The following MAGI2 variants were observed in gnomAD, a reference collection of about 807,000 sequenced individuals.
MAGI2 encodes membrane associated guanylate kinase, WW and PDZ domain containing 2, also known as membrane-associated guanylate kinase, WW and PDZ domain-containing protein 2.
A neutral mutation model predicts 133.3 loss-of-function variants in MAGI2; 35 were observed. That is an observed-to-expected ratio of 0.26 (90% CI 0.20 to 0.35). The LOEUF is 0.35. Among genes scored for constraint, MAGI2 ranks in the 10% least tolerant of loss-of-function variants. The pLI is 1.00. For synonymous variants in MAGI2, 729 were observed against 710.6 expected, an observed-to-expected ratio of 1.03 and a Z score of -0.41; for missense variants, 1,636 against 1,863.4, an observed-to-expected ratio of 0.88 and a Z score of 2.25.
intron 20 of MAGI2, among the ~76,000 whole-genome samples, chr7:78,110,611 G>C (rs1563134864): frequency 6.6e-6 from 1 of 152,208 alleles, no homozygotes; most frequent in Non-Finnish European, 1.5e-5. Flanking sequence ...CCCATATGGA[G>C]AAGTACTTAA....
intron 6 of MAGI2, among the ~76,000 whole-genome samples, chr7:78,459,269 T>C (rs1420664246): frequency 2.0e-5 from 3 of 152,186 alleles, no homozygotes; most frequent in Admixed American, 1.3e-4. Flanking sequence ...CTGCAGTAGA[T>C]AGAACCATTT....
intron 1 of MAGI2, among the ~76,000 whole-genome samples, chr7:79,436,480 T>C (rs1848153489): frequency 6.6e-6 from 1 of 152,086 alleles, no homozygotes; most frequent in Non-Finnish European, 1.5e-5. Context: ...ATCCAGAACC[T>C]ATAAGGAACT....
At chr7:79,375,819 G>A (rs1025801381) in intron 1 of MAGI2, among the ~76,000 whole-genome samples, 1 of 151,848 alleles carries the variant, frequency 6.6e-6, no homozygotes, top group Non-Finnish European at 1.5e-5. Context: ...GAACATATAA[G>A]CAGATAGGCT....
At chr7:79,128,574 T>C (rs1453703829) in intron 1 of MAGI2, among the ~76,000 whole-genome samples, 1 of 152,296 alleles carries the variant, frequency 6.6e-6, no homozygotes, top group East Asian at 1.9e-4. Flanking sequence ...GGGAACTCCC[T>C]GATCAGGAAC....
rs1449266686 is a variant in MAGI2, at chr7:79,333,692, G to A, written c.301+119328C>T. Among the ~76,000 whole-genome samples, 8 of 152,146 alleles carry A rather than the reference G, an allele frequency of 5.3e-5. No homozygotes were observed. The East Asian group carries it at 1.4e-3, about 26-fold the overall frequency. On this transcript the variant is annotated intron_variant, in intron 1 of 21. Coordinates refer to ENST00000354212, the MANE Select transcript of MAGI2 (RefSeq NM_012301.4). ...AAATTACTGATGTAGGCATAAAGGTGATTTTATTGAATGTTTAATTAATTT... is the reference window on the plus strand; with the variant it reads ...AAATTACTGATGTAGGCATAAAGGTAATTTTATTGAATGTTTAATTAATTT...
chr7:78,563,986 A>T (rs145743788), intron 3 of MAGI2, among the ~76,000 whole-genome samples: 1 of 152,020 alleles, frequency 6.6e-6, no homozygotes. Flanking sequence ...TTGAATAGGT[A>T]TTTTTTTTAA....
intron 2 of MAGI2, among the ~76,000 whole-genome samples, chr7:78,882,183 C>T (rs1795932649): frequency 7.3e-6 from 1 of 136,964 alleles, no homozygotes; most frequent in South Asian, 2.5e-4. Flanking sequence ...GGTGACATTA[C>T]AACTGCTCCC....
intron 1 of MAGI2, among the ~76,000 whole-genome samples, chr7:79,261,557 C>T (rs1333080609): frequency 6.6e-6 from 1 of 152,158 alleles, no homozygotes; most frequent in African/African-American, 2.4e-5. Flanking sequence ...TCTTCTCAGT[C>T]ACCTCCCTCT....
intron 3 of MAGI2, among the ~76,000 whole-genome samples, chr7:78,544,502 G>C (rs1798659486): frequency 6.6e-6 from 1 of 152,146 alleles, no homozygotes; most frequent in Non-Finnish European, 1.5e-5. Context: ...TAATCTCTCT[G>C]TATATCTATG....
At chr7:78,680,892 T>C (rs1240561997) in intron 2 of MAGI2, among the ~76,000 whole-genome samples, 1 of 152,132 alleles carries the variant, frequency 6.6e-6, no homozygotes, top group African/African-American at 2.4e-5. Flanking sequence ...TCAATGGATC[T>C]TGATGGAGGC....
chr7:78,577,275 AG>A (rs1422256864), intron 3 of MAGI2, among the ~76,000 whole-genome samples: 1 of 152,224 alleles, frequency 6.6e-6, no homozygotes, highest in African/African-American at 2.4e-5. Flanking sequence ...AGCATGGGAA[AG>A]CCATAAATAT....
intron 1 of MAGI2, among the ~76,000 whole-genome samples, chr7:79,448,916 T>C (rs1849045363): frequency 1.3e-5 from 2 of 152,102 alleles, no homozygotes; most frequent in South Asian, 2.1e-4. Flanking sequence ...ATTATCTACA[T>C]GTACCAGAAA....
chr7:79,332,462 C>T (rs968020355), intron 1 of MAGI2, among the ~76,000 whole-genome samples: 2 of 152,170 alleles, frequency 1.3e-5, no homozygotes, highest in Non-Finnish European at 2.9e-5. Context: ...TTTTGTGGCA[C>T]TTGATTTCCA....
intron 2 of MAGI2, among the ~76,000 whole-genome samples, chr7:78,739,349 T>C (rs1289679608): frequency 2.6e-5 from 4 of 152,158 alleles, no homozygotes; most frequent in Non-Finnish European, 4.4e-5. Context: ...GGCAGCGTGA[T>C]AGAAACTTAG....
chr7:79,212,919 T>C (rs1829623810), intron 1 of MAGI2, among the ~76,000 whole-genome samples: 1 of 152,014 alleles, frequency 6.6e-6, no homozygotes, highest in African/African-American at 2.4e-5. Flanking sequence ...TTTCTGTTCT[T>C]CCATGTGATT....
In MAGI2 at chr7:78,649,234, AAG is replaced by A. The variant is rs1447853107; in HGVS notation, c.419-21997_419-21996del. 1.3e-4 allele frequency among the ~76,000 whole-genome samples: 10 copies of A among 79,400 alleles called. No individual in the cohort carries two copies. The Admixed American group carries it at 1.7e-3, about 13-fold the overall frequency. 52.1% of individuals were successfully genotyped at this position (79,400 alleles called of 152,430 possible). On this transcript the variant is annotated intron_variant, in intron 2 of 21. Transcript: ENST00000354212. ...GGATGACTTGTGGTAAAAAAAAAAA[AAG>A]AAAAAAAAAGAAAAAAAGTAATGAC... is the stretch of plus-strand genomic sequence containing the variant.
chr7:78,539,982 T>A (rs569834968), intron 3 of MAGI2, among the ~76,000 whole-genome samples: 1 of 152,348 alleles, frequency 6.6e-6, no homozygotes, highest in South Asian at 2.1e-4. Flanking sequence ...GGTTATTCTT[T>A]TATGAGTTGC....
intron 6 of MAGI2, among the ~76,000 whole-genome samples, chr7:78,442,147 A>G (rs1166506722): frequency 6.6e-6 from 1 of 152,180 alleles, no homozygotes; most frequent in Admixed American, 6.5e-5. Context: ...ATTAAATTCA[A>G]GGAAGCAGGA....
intron 2 of MAGI2, among the ~76,000 whole-genome samples, chr7:78,754,599 T>C (rs1267085316): frequency 6.6e-6 from 1 of 152,154 alleles, no homozygotes; most frequent in Non-Finnish European, 1.5e-5. Context: ...GCAGCAAGTA[T>C]TAGCTTTAAG....
Sources: gnomAD v4.1 joint callset for allele counts (sites outside exome capture counted in the v4.1 genomes callset) on GRCh38, gnomAD v4.1.1 for gene constraint, MANE v1.5 for transcripts, NCBI Gene and HGNC (gene_info 2026-07-23, HGNC 2026-07-21) for gene names.